Variants in DAB1 observed in about 807,000 individuals in gnomAD.
DAB1 encodes DAB adaptor protein 1.
In DAB1, 15 loss-of-function variants were observed where a neutral mutation model predicts 64.6. The observed-to-expected ratio is 0.23, with a 90% CI of 0.16 to 0.36. DAB1 has a LOEUF of 0.36. DAB1 is among the 10% of genes least tolerant of loss of function. DAB1 has a pLI of 1.00. For missense variants in DAB1, 596 were observed against 706.7 expected (o/e 0.84, Z 1.78); for synonymous variants, 235 against 251.9 (o/e 0.93, Z 0.64).
At chr1:58,399,405 T>C (rs1489346112) in intron 3 of DAB1, among the ~76,000 whole-genome samples, 1 of 152,220 alleles carries the variant, frequency 6.6e-6, no homozygotes, top group African/African-American at 2.4e-5. Context: ...CTCCCACCTC[T>C]TAGGCCAAAT....
chr1:57,226,102 C>T (rs1667240713), intron 2 of DAB1, among the ~76,000 whole-genome samples: 1 of 152,074 alleles, frequency 6.6e-6, no homozygotes, highest in Non-Finnish European at 1.5e-5. Flanking sequence ...TGTTGAGATC[C>T]CTCAAAACTC....
At chr1:57,160,335 T>C (rs375387786) in intron 2 of DAB1, among the ~76,000 whole-genome samples, 32 of 152,264 alleles carry the variant, frequency 2.1e-4, no homozygotes, top group Admixed American at 6.5e-4. Flanking sequence ...CTTCTTATAG[T>C]TGAGGAAATT....
At chr1:57,105,604 C>G (rs900354433) in intron 4 of DAB1, among the ~76,000 whole-genome samples, 2 of 152,126 alleles carry the variant, frequency 1.3e-5, no homozygotes, top group Admixed American at 1.3e-4. Flanking sequence ...CATTTTAATA[C>G]CCCACTTTTT....
At chr1:58,488,454 G>T (rs1286882172) in intron 3 of DAB1, among the ~76,000 whole-genome samples, 3 of 152,094 alleles carry the variant, frequency 2.0e-5, no homozygotes, top group Non-Finnish European at 2.9e-5. Flanking sequence ...TACCCAATGT[G>T]TAGTCTTTTT....
intron 5 of DAB1, among the ~76,000 whole-genome samples, chr1:58,004,830 A>C (rs1446960442): frequency 1.3e-5 from 2 of 152,078 alleles, no homozygotes; most frequent in Non-Finnish European, 2.9e-5. Context: ...AGGACTCTTC[A>C]AAAAAGCCAC....
At chr1:57,267,362 G>A (rs760874914) in intron 2 of DAB1, among the ~76,000 whole-genome samples, 1 of 152,200 alleles carries the variant, frequency 6.6e-6, no homozygotes, top group African/African-American at 2.4e-5. Context: ...CACTCAGTTT[G>A]TGATAATGTG....
chr1:57,708,705 G>A (rs1646994705), intron 6 of DAB1, among the ~76,000 whole-genome samples: 1 of 152,144 alleles, frequency 6.6e-6, no homozygotes, highest in African/African-American at 2.4e-5. Context: ...CCTTTGCTAT[G>A]TTCCACTGTG....
Position 58,079,515 on chromosome 1 carries a change from C to CTTTT in DAB1, n.387+70992_387+70995dup, listed in dbSNP as rs66960756. On this transcript the variant is annotated intron_variant and non_coding_transcript_variant, in intron 5 of 20. Transcript: ENST00000485760. ...ATTGTTAAATGAATGAGCATACCATCTTTTTTTTTTTTTTTTTTTTTTTTT... is the reference window on the plus strand; with the variant it reads ...ATTGTTAAATGAATGAGCATACCATCTTTTTTTTTTTTTTTTTTTTTTTTTTTTT... Among the ~76,000 whole-genome samples the CTTTT allele has an allele frequency of 2.8e-3, 187 of 67,814 alleles. 1 individual carries two copies. The highest frequency in any genetic ancestry group is 3.8e-3 in the East Asian group (7 of 1,856). The allele number at this position is 67,814 out of a possible 152,430, so 44.5% of individuals were successfully genotyped here.
chr1:58,018,010 C>T lies in DAB1; in HGVS notation n.387+132501G>A, dbSNP rs554527269. 1.2e-4 allele frequency among the ~76,000 whole-genome samples: 19 copies of T among 152,300 alleles called. 1 individual carries two copies. The highest frequency in any genetic ancestry group is 2.9e-4 in the African/African-American group (12 of 41,556). On this transcript the variant is annotated intron_variant and non_coding_transcript_variant, in intron 5 of 20. Coordinates refer to the DAB1 transcript ENST00000485760. ...AAGCCATTTTCAGACAATAAAACCA[C>T]GGTTCGCCAATTGACAGCTATAAAG...
chr1:57,068,735 G>C (rs1274222798), intron 8 of DAB1, among the ~76,000 whole-genome samples: 1 of 152,244 alleles, frequency 6.6e-6, no homozygotes, highest in East Asian at 1.9e-4. Flanking sequence ...CCCATGCCTG[G>C]GTTTGAATCT....
chr1:57,166,098 G>T (rs1661189284), intron 2 of DAB1, among the ~76,000 whole-genome samples: 1 of 152,118 alleles, frequency 6.6e-6, no homozygotes, highest in South Asian at 2.1e-4. Context: ...CCAAGTAGGT[G>T]GTAATAAACA....
At chr1:57,058,700 C>A (rs2100555466) in intron 9 of DAB1, among the ~76,000 whole-genome samples, 1 of 152,240 alleles carries the variant, frequency 6.6e-6, no homozygotes, top group Non-Finnish European at 1.5e-5. Flanking sequence ...TTCACATCAC[C>A]ATTACATAGC....
chr1:57,234,993 A>G (rs626210), intron 2 of DAB1, among the ~76,000 whole-genome samples: 91,997 of 151,606 alleles, frequency 0.61, 29,255 homozygotes, highest in East Asian at 0.85. Context: ...TGAAGGACCT[A>G]CGTGATTAGA....
chr1:57,124,290 C>T (rs765773240), intron 4 of DAB1, among the ~76,000 whole-genome samples: 43 of 152,152 alleles, frequency 2.8e-4, no homozygotes, highest in Non-Finnish European at 5.9e-4. Context: ...TAGACACAGA[C>T]TTTGACAGCA....
At chr1:57,564,552 G>T (rs1055330279) in intron 7 of DAB1, among the ~76,000 whole-genome samples, 2 of 152,094 alleles carry the variant, frequency 1.3e-5, no homozygotes, top group Non-Finnish European at 2.9e-5. Flanking sequence ...TTAGATGAAT[G>T]GCCAACTAGA....
chr1:57,092,670 G>A, intron 4 of DAB1, among the ~76,000 whole-genome samples: 1 of 130,528 alleles, frequency 7.7e-6, no homozygotes, highest in Admixed American at 8.4e-5. Context: ...GGTCTGGCGG[G>A]GGAGGGGGGT....
intron 3 of DAB1, chr1:58,468,646 A>C (rs1645321569): frequency 1.3e-5 from 2 of 152,412 alleles, no homozygotes; most frequent in Non-Finnish European, 2.9e-5. Flanking sequence ...CCATGATGTG[A>C]GTCTGAAGTG....
At chr1:57,901,318 G>A (rs1644470556) in intron 5 of DAB1, among the ~76,000 whole-genome samples, 2 of 152,202 alleles carry the variant, frequency 1.3e-5, no homozygotes, top group African/African-American at 4.8e-5. Flanking sequence ...ATTTGCTATT[G>A]TTCTGAGGAG....
chr1:57,020,621 G>A (rs1221631759), intron 11 of DAB1, among the ~76,000 whole-genome samples: 1 of 152,148 alleles, frequency 6.6e-6, no homozygotes, highest in East Asian at 1.9e-4. Context: ...AAAAAATATA[G>A]GTAGAACAGG....
Sources: allele counts gnomAD v4.1 joint callset (sites outside exome capture counted in the v4.1 genomes callset), GRCh38; gene constraint gnomAD v4.1.1; transcripts MANE v1.5; gene names NCBI Gene and HGNC (gene_info 2026-07-23, HGNC 2026-07-21).